The following APBB2 variants were observed in gnomAD, a reference collection of about 807,000 sequenced individuals.
APBB2 encodes amyloid beta precursor protein binding family B member 2.
APBB2 carries 38 observed loss-of-function variants against 82.5 expected under a neutral mutation model. The observed-to-expected ratio is 0.46, with a 90% CI of 0.36 to 0.60. APBB2 has a LOEUF of 0.60. APBB2 is among the 20% of genes least tolerant of loss of function. The pLI is 0.00. For synonymous variants in APBB2, 341 were observed against 368.2 expected, an observed-to-expected ratio of 0.93 and a Z score of 0.85; for missense variants, 772 against 972.3, an observed-to-expected ratio of 0.79 and a Z score of 2.74.
chr4:41,050,379 CATTTTACAG>C (rs1560617637), intron 4 of APBB2, among the ~76,000 whole-genome samples: 2 of 152,234 alleles, frequency 1.3e-5, no homozygotes, highest in African/African-American at 4.8e-5. Context: ...TCACCATCCC[CATTTTACAG>C]ATGAGAGATT....
At chr4:40,857,986 C>T (rs1430221548) in intron 12 of APBB2, among the ~76,000 whole-genome samples, 1 of 152,172 alleles carries the variant, frequency 6.6e-6, no homozygotes, top group Non-Finnish European at 1.5e-5. Flanking sequence ...CCAATTTACA[C>T]AAAGCACTTA....
rs577746660 is a variant in APBB2, at chr4:41,212,858, C to A, written c.-417+1547G>T. Among the ~76,000 whole-genome samples the A allele has an allele frequency of 3.3e-5, 5 of 152,332 alleles. 1 individual carries two copies. The highest frequency in any genetic ancestry group is 1.2e-4 in the African/African-American group (5 of 41,570). On this transcript the variant is annotated intron_variant, in intron 1 of 17. Transcript: ENST00000508593. ...CATTCTCGCCACAAATACCATCCTT[C>A]ACGAACGATGCCATTTCTAGGATGT...
At chr4:40,915,192 C>T (rs1398950580) in intron 10 of APBB2, among the ~76,000 whole-genome samples, 1 of 152,208 alleles carries the variant, frequency 6.6e-6, no homozygotes, top group East Asian at 1.9e-4. Flanking sequence ...CTCCCCCCAC[C>T]CTCCCAATCT....
At chr4:40,971,043 CATACTT>C (rs1156734641) in intron 6 of APBB2, among the ~76,000 whole-genome samples, 1 of 152,182 alleles carries the variant, frequency 6.6e-6, no homozygotes, top group Non-Finnish European at 1.5e-5. Context: ...TTCCTTCATA[CATACTT>C]GTAACCTTAG....
intron 2 of APBB2, among the ~76,000 whole-genome samples, chr4:41,116,231 G>A (rs1278260277): frequency 6.6e-6 from 1 of 152,164 alleles, no homozygotes. Context: ...ACCAAACACT[G>A]CATGTTATCA....
intron 6 of APBB2, among the ~76,000 whole-genome samples, chr4:41,001,331 T>C (rs1805171212): frequency 6.6e-6 from 1 of 152,146 alleles, no homozygotes; most frequent in Non-Finnish European, 1.5e-5. Flanking sequence ...ACATACACCA[T>C]CATGTATATG....
intron 6 of APBB2, among the ~76,000 whole-genome samples, chr4:40,989,842 C>T (rs572955580): frequency 3.9e-5 from 6 of 152,172 alleles, no homozygotes; most frequent in Admixed American, 1.3e-4. Flanking sequence ...CTTCCTAATC[C>T]AATGGCAGCA....
Position 40,903,329 on chromosome 4 carries a change from TG to T in APBB2, c.1255-9919del, listed in dbSNP as rs373057211. Among the ~76,000 whole-genome samples, 261 of 151,496 alleles carry T rather than the reference TG, an allele frequency of 1.7e-3. 1 individual carries two copies. The highest frequency in any genetic ancestry group is 6.8e-3 in the Middle Eastern group (2 of 294). On this transcript the variant is annotated intron_variant, in intron 10 of 17. Coordinates refer to ENST00000508593, the MANE Select transcript of APBB2 (RefSeq NM_004307.2). ...AAAAAATACAAAAATCAGCTGAGTG[TG>T]GTGGCAGGTGCCTGTAATCCCAGCT...
At chr4:40,909,570 G>GT (rs1424307051) in intron 10 of APBB2, among the ~76,000 whole-genome samples, 1 of 152,144 alleles carries the variant, frequency 6.6e-6, no homozygotes. Flanking sequence ...GGCATTATGA[G>GT]TCCTATTTTT....
At chr4:41,172,863 T>G (rs1395553087) in intron 1 of APBB2, among the ~76,000 whole-genome samples, 2 of 152,216 alleles carry the variant, frequency 1.3e-5, no homozygotes, top group African/African-American at 4.8e-5. Flanking sequence ...ACTTTTTGAC[T>G]GTCAAATCAG....
intron 1 of APBB2, among the ~76,000 whole-genome samples, chr4:41,164,396 G>C (rs1426884585): frequency 6.6e-6 from 1 of 152,172 alleles, no homozygotes; most frequent in African/African-American, 2.4e-5. Flanking sequence ...AACTGATTTT[G>C]AAAATATACA....
chr4:40,937,152 A>G (rs1237198460), intron 7 of APBB2, among the ~76,000 whole-genome samples: 2 of 152,264 alleles, frequency 1.3e-5, no homozygotes, highest in African/African-American at 4.8e-5. Context: ...TGAACTTTAA[A>G]AAAGGATAAT....
chr4:40,990,784 C>A (rs960529307), intron 6 of APBB2, among the ~76,000 whole-genome samples: 4 of 152,162 alleles, frequency 2.6e-5, no homozygotes, highest in African/African-American at 9.7e-5. Flanking sequence ...AAAACTGTGT[C>A]ATCATCCTAC....
chr4:40,935,031 G>A, intron 8 of APBB2, 46 bp downstream of exon 8: 1 of 1,399,978 alleles, frequency 7.1e-7, no homozygotes, highest in Non-Finnish European at 9.7e-7. Flanking sequence ...CAGCCATGCA[G>A]AAAGGATAAA....
chr4:40,819,522 GAA>G (rs981090870), intron 17 of APBB2, among the ~76,000 whole-genome samples: 12 of 151,910 alleles, frequency 7.9e-5, no homozygotes, highest in Non-Finnish European at 1.6e-4. Flanking sequence ...TTCCACAAAA[GAA>G]AACCTAGCTG....
At chr4:41,149,174 C>T (rs2154026321) in intron 1 of APBB2, among the ~76,000 whole-genome samples, 1 of 151,650 alleles carries the variant, frequency 6.6e-6, no homozygotes, top group Middle Eastern at 3.4e-3. Flanking sequence ...TTTTTTCACC[C>T]CAGGAAAAAA....
chr4:41,185,511 C>T (rs1413315925), intron 1 of APBB2, among the ~76,000 whole-genome samples: 3 of 152,206 alleles, frequency 2.0e-5, no homozygotes, highest in Non-Finnish European at 4.4e-5. Context: ...TAATTCTTAA[C>T]TCCCATTTCA....
intron 2 of APBB2, among the ~76,000 whole-genome samples, chr4:41,100,956 G>C (rs1317502536): frequency 6.6e-6 from 1 of 152,044 alleles, no homozygotes; most frequent in South Asian, 2.1e-4. Context: ...TCGATCTGTC[G>C]CCTTATTAAA....
chr4:40,837,444 T>C (rs554006567), intron 12 of APBB2, among the ~76,000 whole-genome samples: 1 of 152,098 alleles, frequency 6.6e-6, no homozygotes, highest in African/African-American at 2.4e-5. Flanking sequence ...CCACGCAGGG[T>C]CCAGGCTTCA....
Sources: allele counts gnomAD v4.1 joint callset (sites outside exome capture counted in the v4.1 genomes callset), GRCh38; gene constraint gnomAD v4.1.1; transcripts MANE v1.5; gene names NCBI Gene and HGNC (gene_info 2026-07-23, HGNC 2026-07-21).